GALNT11: variants seen among roughly 807,000 people sequenced by gnomAD.
GALNT11 encodes UDP-GalNAc:polypeptide N-acetylgalactosaminyltransferase 11.
Under a neutral mutation model 72.7 loss-of-function variants are expected in GALNT11, and 47 were observed. The observed-to-expected ratio is 0.65, with a 90% confidence interval of 0.51 to 0.82. GALNT11 has a LOEUF of 0.82. GALNT11 is among the 40% of genes least tolerant of loss of function. The pLI, the probability that GALNT11 is intolerant of heterozygous loss-of-function variation, is 0.00. For synonymous variants in GALNT11, 270 were observed against 286.6 expected (o/e 0.94, Z 0.58); for missense variants, 677 against 778.4 (o/e 0.87, Z 1.55).
intron 1 of GALNT11, among the ~76,000 whole-genome samples, chr7:152,063,734 A>G (rs1233002797): frequency 6.6e-6 from 1 of 152,188 alleles, no homozygotes; most frequent in African/African-American, 2.4e-5. Flanking sequence ...GTAGTCATTC[A>G]GGAGCAGGTT....
intron 1 of GALNT11, among the ~76,000 whole-genome samples, chr7:152,046,194 C>T (rs912345528): frequency 6.6e-6 from 1 of 151,852 alleles, no homozygotes; most frequent in East Asian, 1.9e-4. Flanking sequence ...TAAAAACTTG[C>T]TTTTAGACCT....
At chr7:152,043,748 C>A (rs1019933140) in intron 1 of GALNT11, among the ~76,000 whole-genome samples, 1 of 152,140 alleles carries the variant, frequency 6.6e-6, no homozygotes, top group Non-Finnish European at 1.5e-5. Flanking sequence ...TGAGGGGGTA[C>A]AGAAGGGTAG....
chr7:152,121,887 G>A lies in GALNT11; in HGVS notation c.*210G>A. On this transcript the variant is annotated 3_prime_UTR_variant, in exon 12 of 12. Transcript: ENST00000430044. ...TGAGTGTCCACGGGTGAAGAAGTGA[G>A]TGTCCACGGGTGAAGAAGTGAGTAT... 7.8e-6 allele frequency: 4 copies of A among 512,798 alleles called. No homozygotes were observed. The highest frequency in any genetic ancestry group is 1.4e-5 in the Non-Finnish European group (4 of 294,682). The allele number at this position is 512,798 out of a possible 1,614,324, so 31.8% of individuals were successfully genotyped here. A position where few individuals can be genotyped will look rare whatever the true frequency, so the allele number is the denominator to read the frequency against.
At chr7:152,058,427 C>T (rs569635147) in intron 1 of GALNT11, among the ~76,000 whole-genome samples, 5 of 152,134 alleles carry the variant, frequency 3.3e-5, no homozygotes, top group South Asian at 2.1e-4. Context: ...CTCTGCCTCC[C>T]GGTTCAAGCG....
At chr7:152,076,734 G>T (rs187913885) in intron 1 of GALNT11, among the ~76,000 whole-genome samples, 123 of 152,328 alleles carry the variant, frequency 8.1e-4, no homozygotes, top group African/African-American at 2.9e-3. Context: ...CACTGTGCGG[G>T]ATAGTAATGC....
At chr7:152,114,052 C>T (rs1427769688) in intron 8 of GALNT11, among the ~76,000 whole-genome samples, 1 of 151,988 alleles carries the variant, frequency 6.6e-6, no homozygotes, top group East Asian at 1.9e-4. Flanking sequence ...GTGTGAGCCA[C>T]TGTGCCAGGC....
chr7:152,099,534 T>TG (rs2086649042), intron 2 of GALNT11, among the ~76,000 whole-genome samples: 1 of 125,328 alleles, frequency 8.0e-6, no homozygotes, highest in South Asian at 2.8e-4. Flanking sequence ...CGCCTAGTTT[T>TG]TTTTTTTTTT....
chr7:152,109,593 C>A lies in GALNT11; in HGVS notation c.963-935C>A, dbSNP rs77028093. ...TTGCTTGATAATTCCATATTTGAAA[C>A]CCCTTCATATCTGTTTCTGGTGTAT... On this transcript the variant is annotated intron_variant, in intron 6 of 11. Transcript: ENST00000430044. Among the ~76,000 whole-genome samples the A allele has an allele frequency of 2.3e-3, 348 of 152,262 alleles. 6 individuals carry two copies. In the East Asian group the frequency reaches 0.036, roughly 16 times the overall value.
At chr7:152,051,750 AG>A (rs1238449920) in intron 1 of GALNT11, among the ~76,000 whole-genome samples, 3 of 150,966 alleles carry the variant, frequency 2.0e-5, no homozygotes, top group African/African-American at 7.5e-5. Context: ...AATAGGAAAT[AG>A]AAAAACCTCT....
chr7:152,102,022 G>A (rs748247889), intron 3 of GALNT11, among the ~76,000 whole-genome samples: 16 of 152,026 alleles, frequency 1.1e-4, no homozygotes, highest in Admixed American at 1.3e-4. Context: ...AAGCTCTTCT[G>A]TTATCTTGGT....
chr7:152,057,215 A>G (rs1166623753), intron 1 of GALNT11, among the ~76,000 whole-genome samples: 1 of 150,290 alleles, frequency 6.7e-6, no homozygotes, highest in Admixed American at 6.6e-5. Flanking sequence ...AGAAAGTAAT[A>G]GATTTTAAAA....
At position 152,113,287 on chromosome 7, in the gene GALNT11, T is replaced by C; in HGVS notation, c.1122T>C (p.Ser374=). Residue 374 remains serine, a synonymous_variant, in exon 8 of 12, where the codon TCT becomes TCC. Transcript: ENST00000430044. The part of the protein sequence containing the change: ...CGGKLFIIPC[S]RVGHIFRKRR... ...GTAAGCTCTTCATCATCCCTTGCTC[T>C]AGAGTAGGACACATTTTCCGAAAAA... 1 of 1,614,036 alleles carries C rather than the reference T, an allele frequency of 6.2e-7. No individual in the cohort carries two copies. Among genetic ancestry groups the C allele is most frequent in the Non-Finnish European group, 8.5e-7 (1 of 1,179,946 alleles).
At chr7:152,037,467 C>A (rs1221425748) in intron 1 of GALNT11, among the ~76,000 whole-genome samples, 1 of 152,044 alleles carries the variant, frequency 6.6e-6, no homozygotes, top group Non-Finnish European at 1.5e-5. Flanking sequence ...TACTATAGCT[C>A]TTTAGTATAA....
intron 2 of GALNT11, among the ~76,000 whole-genome samples, chr7:152,097,150 T>C (rs1365260567): frequency 6.6e-6 from 1 of 152,142 alleles, no homozygotes; most frequent in Non-Finnish European, 1.5e-5. Flanking sequence ...TAAAACTCAG[T>C]AATAAAAAGA....
chr7:152,031,008 G>T (rs529922604), intron 1 of GALNT11, among the ~76,000 whole-genome samples: 1 of 152,342 alleles, frequency 6.6e-6, no homozygotes, highest in East Asian at 1.9e-4. Flanking sequence ...TCCCCCAGAG[G>T]TTAGAAACTC....
intron 1 of GALNT11, among the ~76,000 whole-genome samples, chr7:152,043,489 A>C (rs987117574): frequency 6.6e-6 from 1 of 152,186 alleles, no homozygotes; most frequent in Non-Finnish European, 1.5e-5. Context: ...GCATTTCCCC[A>C]ATTTAAAAGG....
At chr7:152,053,284 C>G (rs2083486564) in intron 1 of GALNT11, among the ~76,000 whole-genome samples, 1 of 152,160 alleles carries the variant, frequency 6.6e-6, no homozygotes, top group Non-Finnish European at 1.5e-5. Flanking sequence ...TTCCAGTAAC[C>G]TTATCCTGCT....
chr7:152,065,328 A>T (rs950614355), intron 1 of GALNT11, among the ~76,000 whole-genome samples: 1 of 152,090 alleles, frequency 6.6e-6, no homozygotes, highest in Non-Finnish European at 1.5e-5. Flanking sequence ...ACTTCTCTAC[A>T]TTCTAGTTAG....
chr7:152,100,796 A>G lies in GALNT11; in HGVS notation c.296-2A>G. Reference sequence around the variant, plus strand: ...TCGCTGACTAACTTCACTCTTTTGCAGGTATGATTTTTAATGAACGCGATC... The same window carrying G: ...TCGCTGACTAACTTCACTCTTTTGCGGGTATGATTTTTAATGAACGCGATC... On this transcript the variant is annotated splice_acceptor_variant, in intron 2 of 11. Transcript: ENST00000430044. LOFTEE classifies it high-confidence loss of function. The G allele has an allele frequency of 6.2e-7, 1 of 1,613,324 alleles. No individual in the cohort carries two copies. Among genetic ancestry groups the G allele is most frequent in the East Asian group, 2.2e-5 (1 of 44,866 alleles).
Sources: gnomAD v4.1 joint callset for allele counts (sites outside exome capture counted in the v4.1 genomes callset) on GRCh38, gnomAD v4.1.1 for gene constraint, MANE v1.5 for transcripts, NCBI Gene and HGNC (gene_info 2026-07-23, HGNC 2026-07-21) for gene names.